Variants in WDR62 observed in about 807,000 individuals in gnomAD.
WDR62 encodes WD repeat domain 62, also known as WD repeat-containing protein 62.
WDR62 carries 112 observed loss-of-function variants against 160.6 expected under a neutral mutation model. That is an observed-to-expected ratio of 0.70 (90% CI 0.60 to 0.82). The LOEUF (loss-of-function observed/expected upper bound fraction) is 0.82, where lower values mean the gene tolerates loss of function less well. WDR62 is among the 40% of genes least tolerant of loss of function. The pLI, the probability that WDR62 is intolerant of heterozygous loss-of-function variation, is 0.00. For synonymous variants in WDR62, 792 were observed against 815.1 expected (o/e 0.97, Z 0.48); for missense variants, 1,819 against 1,983.8 (o/e 0.92, Z 1.58).
At chr19:36,085,393 G>T (rs996835187) in intron 12 of WDR62, among the ~76,000 whole-genome samples, 18 of 132,734 alleles carry the variant, frequency 1.4e-4, no homozygotes, top group Middle Eastern at 4.5e-3. Flanking sequence ...TGGGATTAGG[G>T]CATGAGCCAC....
downstream of WDR62, among the ~76,000 whole-genome samples, chr19:36,108,631 C>T (rs960664698): frequency 2.0e-5 from 3 of 152,096 alleles, no homozygotes; most frequent in East Asian, 1.9e-4. Context: ...GGCAGGCAGA[C>T]GGTTTGAGCT....
intron 1 of WDR62, among the ~76,000 whole-genome samples, chr19:36,055,570 C>T (rs1970318402): frequency 6.6e-6 from 1 of 152,216 alleles, no homozygotes; most frequent in South Asian, 2.1e-4. Flanking sequence ...AACTCTTCCT[C>T]GCTTCTACCC....
At chr19:36,097,909 TAAG>T (rs1973073522) in intron 21 of WDR62, among the ~76,000 whole-genome samples, 1 of 150,650 alleles carries the variant, frequency 6.6e-6, no homozygotes, top group Non-Finnish European at 1.5e-5. Flanking sequence ...AAAAAGAAAA[TAAG>T]GAGTGTTGGG....
intron 21 of WDR62, among the ~76,000 whole-genome samples, chr19:36,097,547 C>G (rs1241696885): frequency 6.6e-6 from 1 of 151,544 alleles, no homozygotes; most frequent in Non-Finnish European, 1.5e-5. Flanking sequence ...CACTACTACA[C>G]TCCAGCGTGG....
Position 36,102,935 on chromosome 19 carries a change from C to T in WDR62, c.3336-13C>T, listed in dbSNP as rs1479031186. 9 of 1,614,050 alleles carry T rather than the reference C, an allele frequency of 5.6e-6. No homozygotes were observed. The highest frequency in any genetic ancestry group is 1.7e-5 in the Admixed American group (1 of 60,012). The stretch of plus-strand genomic sequence containing the variant: ...CTGAATGAGAATCATCCCCCCTGCT[C>T]TCCTCCCCACAGGTTCACCCATACC... On this transcript the variant is annotated splice_polypyrimidine_tract_variant and intron_variant, in intron 27 of 31. Coordinates refer to ENST00000401500, the MANE Select transcript of WDR62 (RefSeq NM_001083961.2).
intron 3 of WDR62, chr19:36,060,766 T>G (rs1970606677): frequency 6.6e-6 from 1 of 152,558 alleles, no homozygotes; most frequent in Non-Finnish European, 1.5e-5. Flanking sequence ...ATTGATGGTA[T>G]TCACTGTGGG....
Position 36,103,148 on chromosome 19 carries a change from G to A in WDR62, c.3463-8G>A. The A allele has an allele frequency of 6.2e-7, 1 of 1,614,072 alleles. No individual in the cohort carries two copies. The highest frequency in any genetic ancestry group is 8.5e-7 in the Non-Finnish European group (1 of 1,180,038). On this transcript the variant is annotated splice_region_variant and splice_polypyrimidine_tract_variant and intron_variant, in intron 28 of 31. Coordinates refer to ENST00000401500, the MANE Select transcript of WDR62 (RefSeq NM_001083961.2). ...GGCCTTGTCCTCACCTCAGAGCTGT[G>A]CCTGCAGGTCCTCGCTGCAGGGAAG...
intron 30 of WDR62, among the ~76,000 whole-genome samples, chr19:36,104,251 G>A (rs1353795094): frequency 6.6e-6 from 1 of 152,208 alleles, no homozygotes; most frequent in African/African-American, 2.4e-5. Context: ...TATGTATCAC[G>A]AAGTGACACA....
chr19:36,109,995 T>A (rs548979167), downstream of WDR62, among the ~76,000 whole-genome samples: 5 of 146,640 alleles, frequency 3.4e-5, no homozygotes, highest in African/African-American at 1.0e-4. Flanking sequence ...GCGGAGGTCA[T>A]AGAGGAGCCA....
Position 36,077,633 on chromosome 19 carries a change from G to A in WDR62, c.1234-3800G>A, listed in dbSNP as rs1437874636. Among the ~76,000 whole-genome samples, 3 of 144,928 alleles carry A rather than the reference G, an allele frequency of 2.1e-5. No homozygotes were observed. In the Admixed American group the frequency reaches 2.1e-4, roughly 10 times the overall value. ...TTTTTTTTGGATGGAGTCTCGCTTT[G>A]TCACCCAGACTGGAATACAGAGGCA... On this transcript the variant is annotated intron_variant, in intron 9 of 31. Coordinates refer to ENST00000401500, the MANE Select transcript of WDR62 (RefSeq NM_001083961.2).
Position 36,067,983 on chromosome 19 carries a change from G to A in WDR62, c.855G>A (p.Arg285=). The A allele has an allele frequency of 6.2e-7, 1 of 1,614,094 alleles. No individual in the cohort carries two copies. The highest frequency in any genetic ancestry group is 8.5e-7 in the Non-Finnish European group (1 of 1,180,004). Reference sequence around the variant, plus strand: ...TCCTCTGCCAGTTCAATGAGAAGAGGGTGCTGGAGAAGTGGATCAACCTGA... The same window carrying A: ...TCCTCTGCCAGTTCAATGAGAAGAGAGTGCTGGAGAAGTGGATCAACCTGA... ...SGLLCQFNEK[R]VLEKWINLKV... Residue 285 remains arginine, a synonymous_variant, in exon 7 of 32, where the codon AGG becomes AGA. Transcript: ENST00000401500.
chr19:36,097,369 C>T (rs956647322), intron 21 of WDR62, among the ~76,000 whole-genome samples: 3 of 152,150 alleles, frequency 2.0e-5, no homozygotes, highest in Admixed American at 6.6e-5. Context: ...AAGTAAATGA[C>T]GTAGTAGGTT....
rs748932648 is a variant in WDR62 at position 36,102,122 on chromosome 19, T to G, written c.3191T>G (p.Phe1064Cys). 1.9e-6 allele frequency: 3 copies of G among 1,613,960 alleles called. No individual in the cohort carries two copies. Among genetic ancestry groups the G allele is most frequent in the Non-Finnish European group, 2.5e-6 (3 of 1,180,034 alleles). Residue 1064 changes from phenylalanine to cysteine, a missense_variant, in exon 26 of 32, where the codon TTT (phenylalanine) becomes TGT (cysteine). Phe to Cys is a radical substitution (Grantham distance 205, BLOSUM62 -2). Coordinates refer to ENST00000401500, the MANE Select transcript of WDR62 (RefSeq NM_001083961.2). ...PEQEKFLRHH[F>C]ETLTESPCRE... Reference sequence around the variant, plus strand: ...CAGGAGAAGTTCCTCCGCCACCACTTTGAGACACTGACTGAGTCCCCCTGC... The same window carrying G: ...CAGGAGAAGTTCCTCCGCCACCACTGTGAGACACTGACTGAGTCCCCCTGC...
Position 36,102,997 on chromosome 19 carries a change from C to G in WDR62, c.3385C>G (p.Pro1129Ala). The part of the protein sequence containing the change: ...PRATQCLVKS[P>A]EVKLMDRGGS... ...GGCAACCCAGTGCCTTGTGAAGTCTCCAGAGGTCAAGCTCATGGACCGAGG... is the reference window on the plus strand; with the variant it reads ...GGCAACCCAGTGCCTTGTGAAGTCTGCAGAGGTCAAGCTCATGGACCGAGG... The change falls in exon 28 of 32, where the codon CCA (proline) becomes GCA (alanine). Residue 1129 changes from proline (P) to alanine (A), a missense_variant. Coordinates refer to ENST00000401500, the MANE Select transcript of WDR62 (RefSeq NM_001083961.2). 1 of 1,614,136 alleles carries G rather than the reference C, an allele frequency of 6.2e-7. No homozygotes were observed. The highest frequency in any genetic ancestry group is 8.5e-7 in the Non-Finnish European group (1 of 1,180,008).
intron 12 of WDR62, among the ~76,000 whole-genome samples, chr19:36,086,098 C>T (rs749004611): frequency 5.9e-5 from 9 of 152,028 alleles, no homozygotes; most frequent in Non-Finnish European, 1.2e-4. Flanking sequence ...GTTCTTCTTT[C>T]GTTCTCTCAT....
intron 24 of WDR62, 76 bp from the exon 25 acceptor site, chr19:36,101,588 C>T (rs1181667356): frequency 3.4e-6 from 4 of 1,170,672 alleles, no homozygotes; most frequent in Admixed American, 2.0e-5. Context: ...AAACTGAGCC[C>T]AGGGAAGGGT....
chr19:36,082,745 T>C (rs1456162852), intron 10 of WDR62, among the ~76,000 whole-genome samples: 2 of 152,202 alleles, frequency 1.3e-5, no homozygotes, highest in Non-Finnish European at 2.9e-5. Context: ...TACTCTGTCA[T>C]TTGAGGGAGC....
intron 20 of WDR62, 29 bp downstream of exon 20, chr19:36,094,193 T>C (rs1972813068): frequency 6.2e-7 from 1 of 1,610,896 alleles, no homozygotes; most frequent in Non-Finnish European, 8.5e-7. Context: ...TTTTGAACTA[T>C]GTCAGTGTAG....
At chr19:36,057,967 T>C (rs1970451403) in intron 1 of WDR62, among the ~76,000 whole-genome samples, 1 of 152,190 alleles carries the variant, frequency 6.6e-6, no homozygotes, top group African/African-American at 2.4e-5. Context: ...ATGTAGGATC[T>C]TGGGCCTCAG....
Sources: allele counts gnomAD v4.1 joint callset (sites outside exome capture counted in the v4.1 genomes callset), GRCh38; gene constraint gnomAD v4.1.1; transcripts MANE v1.5; gene names NCBI Gene and HGNC (gene_info 2026-07-23, HGNC 2026-07-21).